The following TRAPPC10 variants were observed in gnomAD, a reference collection of about 807,000 sequenced individuals.
TRAPPC10 encodes the protein trafficking protein particle complex subunit 10.
In TRAPPC10, 23 loss-of-function variants were observed where a neutral mutation model predicts 125.5. That is an observed-to-expected ratio of 0.18 (90% CI 0.13 to 0.26). TRAPPC10 has a LOEUF of 0.26. Ranked by LOEUF, TRAPPC10 falls within the 10% of genes least tolerant of loss-of-function variation. The pLI, the probability that TRAPPC10 is intolerant of heterozygous loss-of-function variation, is 1.00. For missense variants in TRAPPC10, 1,123 were observed against 1,308.4 expected, an observed-to-expected ratio of 0.86 and a Z score of 2.19; for synonymous variants, 509 against 518.0, an observed-to-expected ratio of 0.98 and a Z score of 0.24.
chr21:44,075,502 A>G (rs1028095410), intron 9 of TRAPPC10, among the ~76,000 whole-genome samples: 28 of 149,358 alleles, frequency 1.9e-4, no homozygotes, highest in African/African-American at 6.2e-4. Context: ...TTTTTTTTTT[A>G]AGAGACAGGG....
Position 44,082,585 on chromosome 21 carries a change from G to A in TRAPPC10, c.1724-203G>A, listed in dbSNP as rs1569209256. ...ACATTTTATGATTTCTAGGCATTAC[G>A]TAGGTATTTGCTAATATTCTGCTTT... On this transcript the variant is annotated intron_variant, in intron 13 of 22. Coordinates refer to ENST00000291574, the MANE Select transcript of TRAPPC10 (RefSeq NM_003274.5). The surrounding 1 kb of genome is among the most constrained non-coding windows in gnomAD (Gnocchi z 4.4). Among the ~76,000 whole-genome samples the A allele has an allele frequency of 2.6e-5, 4 of 152,228 alleles. No individual in the cohort carries two copies. The highest frequency in any genetic ancestry group is 6.5e-5 in the Admixed American group (1 of 15,294).
chr21:44,046,922 G>A (rs1437433340), intron 3 of TRAPPC10: 15 of 841,762 alleles, frequency 1.8e-5, no homozygotes, highest in Admixed American at 3.5e-5. Flanking sequence ...ATGACTGGCC[G>A]TCCTACATTT....
rs1783074684 is a variant in TRAPPC10, at chr21:44,063,426, A to G, written c.791-112A>G. The G allele has an allele frequency of 6.1e-6, 9 of 1,481,686 alleles. No homozygotes were observed. The highest frequency in any genetic ancestry group is 8.2e-6 in the Non-Finnish European group (9 of 1,098,224). 91.8% of individuals were successfully genotyped at this position (1,481,686 alleles called of 1,614,324 possible). A position where few individuals can be genotyped will look rare whatever the true frequency, so the allele number is the denominator to read the frequency against. On this transcript the variant is annotated intron_variant, in intron 6 of 22. Coordinates refer to ENST00000291574, the MANE Select transcript of TRAPPC10 (RefSeq NM_003274.5). This position sits in a 1 kb window ranked among gnomAD's most constrained non-coding sequence, Gnocchi z 4.4. ...CCACAGGGGGTGGGCCAGTGTTCAT[A>G]GAAAAACTGGTTATGAAGCTGCCTG... is the stretch of plus-strand genomic sequence containing the variant.
chr21:44,047,532 A>ATGTGTGTGTGTGTGTGTGTG lies in TRAPPC10; in HGVS notation c.286-4733_286-4714dup, dbSNP rs33940679. Among the ~76,000 whole-genome samples the ATGTGTGTGTGTGTGTGTGTG allele has an allele frequency of 4.9e-3, 705 of 142,860 alleles. 6 individuals are homozygous for ATGTGTGTGTGTGTGTGTGTG. Among genetic ancestry groups the ATGTGTGTGTGTGTGTGTGTG allele is most frequent in the East Asian group, 0.019 (85 of 4,548 alleles). The allele number at this position is 142,860 out of a possible 152,430, so 93.7% of individuals were successfully genotyped here. A position where few individuals can be genotyped will look rare whatever the true frequency, so the allele number is the denominator to read the frequency against. ...TCTGTTGCACCCTCTCTGGGGGAGT[A>ATGTGTGTGTGTGTGTGTGTG]TGTGTGTGTGTGTGTGTGTGTGTGT... On this transcript the variant is annotated intron_variant, in intron 3 of 22. Coordinates refer to ENST00000291574, the MANE Select transcript of TRAPPC10 (RefSeq NM_003274.5).
At chr21:44,066,280 G>A (rs575028160) in intron 7 of TRAPPC10, among the ~76,000 whole-genome samples, 16 of 152,348 alleles carry the variant, frequency 1.1e-4, no homozygotes, top group Admixed American at 9.8e-4. Context: ...CTCTGTAGTA[G>A]GGCTTGATCC....
chr21:44,077,718 T>C lies in TRAPPC10; in HGVS notation c.1403T>C (p.Met468Thr). The C allele has an allele frequency of 6.2e-7, 1 of 1,607,864 alleles. No homozygotes were observed. Among genetic ancestry groups the C allele is most frequent in the Non-Finnish European group, 8.5e-7 (1 of 1,176,190 alleles). The change falls in exon 11 of 23, where the codon ATG becomes ACG. Residue 468 changes from methionine (M) to threonine (T), a missense_variant. Around this residue, in one of 4 missense-constraint regions of TRAPPC10, gnomAD observed 840 missense variants for 902.0 expected, o/e 0.93. Coordinates refer to ENST00000291574, the MANE Select transcript of TRAPPC10 (RefSeq NM_003274.5). Reference protein sequence around the residue: ...YLDLSHATIEMYTSIGRIRSA... With the variant: ...YLDLSHATIETYTSIGRIRSA... ...GATTTGTCCCATGCCACCATTGAAA[T>C]GTATACAAGCATTGGGAGGATTCGA...
rs982981790 is a variant in TRAPPC10, at chr21:44,064,344, T to TGA, written c.1038+562_1038+563dup. On this transcript the variant is annotated intron_variant, in intron 7 of 22. Coordinates refer to ENST00000291574, the MANE Select transcript of TRAPPC10 (RefSeq NM_003274.5). ...GTGTGTGTGTGTGTGTGTGTGAGTGTGAGAATGTAGTTAGTAAAACATTTG... is the reference window on the plus strand; with the variant it reads ...GTGTGTGTGTGTGTGTGTGTGAGTGTGAGAGAATGTAGTTAGTAAAACATTTG... Among the ~76,000 whole-genome samples, 3 of 151,448 alleles carry TGA rather than the reference T, an allele frequency of 2.0e-5. 1 individual carries two copies. Among genetic ancestry groups the TGA allele is most frequent in the South Asian group, 4.2e-4 (2 of 4,784 alleles).
At chr21:44,058,133 A>G (rs976024283) in intron 5 of TRAPPC10, among the ~76,000 whole-genome samples, 28 of 152,196 alleles carry the variant, frequency 1.8e-4, no homozygotes, top group Admixed American at 3.3e-4. Context: ...CGCATATGCT[A>G]GGGCGAGAGA....
At chr21:44,034,041 C>T (rs2033793127) in intron 2 of TRAPPC10, among the ~76,000 whole-genome samples, 1 of 152,112 alleles carries the variant, frequency 6.6e-6, no homozygotes, top group Admixed American at 6.6e-5. Flanking sequence ...TGCATAAAGA[C>T]AGAGAAAGGA....
chr21:44,081,746 G>A (rs150948191), intron 13 of TRAPPC10, among the ~76,000 whole-genome samples: 1,574 of 152,266 alleles, frequency 0.01, 15 homozygotes, highest in Non-Finnish European at 0.017. Context: ...AGGTGTGGTG[G>A]CGGGCACCTG....
intron 1 of TRAPPC10, among the ~76,000 whole-genome samples, chr21:44,031,347 G>T (rs1158870642): frequency 2.6e-5 from 4 of 152,166 alleles, no homozygotes; most frequent in Admixed American, 1.3e-4. Flanking sequence ...TAGCCGAAGT[G>T]TAATACAGTT....
intron 1 of TRAPPC10, among the ~76,000 whole-genome samples, chr21:44,025,943 G>A (rs186132568): frequency 1.3e-5 from 2 of 150,886 alleles, no homozygotes; most frequent in South Asian, 2.1e-4. Flanking sequence ...TGGGTATAAC[G>A]TTAAGCCGGC....
chr21:44,087,937 G>C lies in TRAPPC10; in HGVS notation c.2769+9G>C. 1 of 1,605,020 alleles carries C rather than the reference G, an allele frequency of 6.2e-7. No homozygotes were observed. Among genetic ancestry groups the C allele is most frequent in the South Asian group, 1.1e-5 (1 of 90,454 alleles). ...TTACCACAGACCACAAAGTGAGTAG[G>C]GACAGTGGAGGAGCTTAGCTTGTGG... On this transcript the variant is annotated intron_variant, in intron 17 of 22. Coordinates refer to ENST00000291574, the MANE Select transcript of TRAPPC10 (RefSeq NM_003274.5). This position sits in a 1 kb window ranked among gnomAD's most constrained non-coding sequence, Gnocchi z 4.6.
chr21:44,030,240 C>T (rs956110545), intron 1 of TRAPPC10, among the ~76,000 whole-genome samples: 13 of 145,700 alleles, frequency 8.9e-5, no homozygotes, highest in Non-Finnish European at 1.8e-4. Flanking sequence ...AGAGAGAGAG[C>T]GAGAGAGTGT....
intron 3 of TRAPPC10, among the ~76,000 whole-genome samples, chr21:44,039,054 G>A (rs1043109964): frequency 1.3e-5 from 2 of 152,214 alleles, no homozygotes; most frequent in Admixed American, 6.5e-5. Flanking sequence ...TGGTTGTAAT[G>A]TTCGATTTGA....
chr21:44,030,981 T>C (rs1469896920), intron 1 of TRAPPC10, among the ~76,000 whole-genome samples: 5 of 152,158 alleles, frequency 3.3e-5, no homozygotes, highest in Non-Finnish European at 7.3e-5. Context: ...CCATTTCCCA[T>C]GTCCCCGAGG....
At chr21:44,065,402 C>G (rs890557070) in intron 7 of TRAPPC10, among the ~76,000 whole-genome samples, 5 of 152,144 alleles carry the variant, frequency 3.3e-5, no homozygotes, top group African/African-American at 1.2e-4. Flanking sequence ...ATTTTCCGAG[C>G]CCTTTGCTTT....
rs1482097874 is a variant in TRAPPC10, at chr21:44,029,279, A to AG, written c.68-2811dup. Among the ~76,000 whole-genome samples, 4 of 152,240 alleles carry AG rather than the reference A, an allele frequency of 2.6e-5. No individual in the cohort carries two copies. In the South Asian group the frequency reaches 8.3e-4, roughly 32 times the overall value. On this transcript the variant is annotated intron_variant, in intron 1 of 22. Transcript: ENST00000291574. The stretch of plus-strand genomic sequence containing the variant: ...CCAGCTAATTTTTTGTATTTTTAGT[A>AG]GAGACGGGGTTTCACCGTGTTGTCC...
intron 1 of TRAPPC10, among the ~76,000 whole-genome samples, chr21:44,027,156 A>C (rs2147220795): frequency 6.6e-6 from 1 of 152,374 alleles, no homozygotes; most frequent in East Asian, 1.9e-4. Context: ...TCAGAGTATC[A>C]GCAAATATTC....
Sources: allele counts gnomAD v4.1 joint callset (sites outside exome capture counted in the v4.1 genomes callset), GRCh38; gene constraint gnomAD v4.1.1; regional missense constraint gnomAD v4.1.1; non-coding constraint Gnocchi (gnomAD v3.1); transcripts MANE v1.5; gene names NCBI Gene and HGNC (gene_info 2026-07-23, HGNC 2026-07-21).